Variants in NRXN3 observed in about 807,000 individuals in gnomAD.
NRXN3 encodes the protein neurexin 3, also known as neurexin III.
NRXN3 carries 32 observed loss-of-function variants against 137.6 expected under a neutral mutation model. That is an observed-to-expected ratio of 0.23 (90% CI 0.18 to 0.31). The LOEUF (loss-of-function observed/expected upper bound fraction) is 0.31. NRXN3 is among the 10% of genes least tolerant of loss of function. The pLI is 1.00. For missense variants in NRXN3, 1,574 were observed against 2,062.5 expected, an observed-to-expected ratio of 0.76 and a Z score of 4.59; for synonymous variants, 798 against 784.5, an observed-to-expected ratio of 1.02 and a Z score of -0.29.
intron 8 of NRXN3, among the ~76,000 whole-genome samples, chr14:78,801,420 C>T (rs2098838530): frequency 6.6e-6 from 1 of 152,154 alleles, no homozygotes; most frequent in African/African-American, 2.4e-5. Flanking sequence ...AGGAAACTTA[C>T]AATCTGATGG....
intron 15 of NRXN3, among the ~76,000 whole-genome samples, chr14:79,122,254 A>C (rs1261677980): frequency 6.6e-6 from 1 of 152,198 alleles, no homozygotes; most frequent in Non-Finnish European, 1.5e-5. Context: ...ATGAGCAGCA[A>C]ACAGGAATTG....
At chr14:78,988,703 CTCTGACTAAATT>C (rs1365968094) in intron 15 of NRXN3, among the ~76,000 whole-genome samples, 2 of 152,048 alleles carry the variant, frequency 1.3e-5, no homozygotes, top group Non-Finnish European at 2.9e-5. Flanking sequence ...TAGAAATTCT[CTCTGACTAAATT>C]TATTGGTATC....
Position 79,645,614 on chromosome 14 carries a change from CAAAA to C in NRXN3, c.3445-18151_3445-18148del, listed in dbSNP as rs558284799. Among the ~76,000 whole-genome samples, 2 of 89,568 alleles carry C rather than the reference CAAAA, an allele frequency of 2.2e-5. 1 individual carries two copies. Among genetic ancestry groups the C allele is most frequent in the Non-Finnish European group, 5.4e-5 (2 of 36,896 alleles). 58.8% of individuals were successfully genotyped at this position (89,568 alleles called of 152,430 possible). A position where few individuals can be genotyped will look rare whatever the true frequency, so the allele number is the denominator to read the frequency against. ...TGGGTGACAGAATGAGACTCTGTCT[CAAAA>C]AAAAAAAAAAAAGTTTTTTTCGTGT... On this transcript the variant is annotated intron_variant, in intron 16 of 20. Coordinates refer to ENST00000335750, the MANE Select transcript of NRXN3 (RefSeq NM_001330195.2).
chr14:78,408,715 A>G (rs1598345690), intron 4 of NRXN3, among the ~76,000 whole-genome samples: 1 of 152,350 alleles, frequency 6.6e-6, no homozygotes, highest in East Asian at 1.9e-4. Context: ...TGCTCAGAAA[A>G]TTCTCACGAG....
intron 15 of NRXN3, among the ~76,000 whole-genome samples, chr14:79,415,678 T>G (rs1159382384): frequency 1.3e-5 from 2 of 152,166 alleles, no homozygotes; most frequent in Non-Finnish European, 2.9e-5. Context: ...TGTCACTCTA[T>G]GACCTGTTGT....
intron 15 of NRXN3, among the ~76,000 whole-genome samples, chr14:79,332,126 C>G (rs780675671): frequency 6.6e-6 from 1 of 152,172 alleles, no homozygotes; most frequent in African/African-American, 2.4e-5. Flanking sequence ...ATCCTCAGAC[C>G]TCTGAATTGC....
chr14:78,801,057 C>T (rs998572684), intron 8 of NRXN3, among the ~76,000 whole-genome samples: 1 of 152,224 alleles, frequency 6.6e-6, no homozygotes, highest in Non-Finnish European at 1.5e-5. Context: ...CGCAGTGGCT[C>T]ACGCCTGTAA....
intron 19 of NRXN3, among the ~76,000 whole-genome samples, chr14:79,769,245 A>G (rs2139698187): frequency 6.7e-6 from 1 of 150,262 alleles, no homozygotes. Flanking sequence ...AAGGCAGGCC[A>G]ACGTTCAGAT....
At chr14:79,687,948 ATAAGGGATT>A (rs1369461801) in intron 17 of NRXN3, among the ~76,000 whole-genome samples, 1 of 152,196 alleles carries the variant, frequency 6.6e-6, no homozygotes, top group Non-Finnish European at 1.5e-5. Flanking sequence ...AAAGTGATAG[ATAAGGGATT>A]TAAGGGAATA....
chr14:78,592,891 C>T (rs969093993), intron 4 of NRXN3, among the ~76,000 whole-genome samples: 7 of 152,174 alleles, frequency 4.6e-5, no homozygotes, highest in African/African-American at 1.7e-4. Context: ...TAGTAGGACC[C>T]ATGTCCTCCC....
At chr14:78,757,264 G>A (rs1028925147) in intron 8 of NRXN3, among the ~76,000 whole-genome samples, 3 of 152,056 alleles carry the variant, frequency 2.0e-5, no homozygotes, top group Non-Finnish European at 4.4e-5. Context: ...AAAGAAATTA[G>A]CCGAATGTGG....
At chr14:78,181,287 T>G (rs1247451198) in intron 1 of NRXN3, among the ~76,000 whole-genome samples, 1 of 152,188 alleles carries the variant, frequency 6.6e-6, no homozygotes, top group Non-Finnish European at 1.5e-5. Flanking sequence ...TTAAAAGTTC[T>G]GAGGTGGGGC....
intron 11 of NRXN3, among the ~76,000 whole-genome samples, chr14:78,962,154 G>A (rs1404577275): frequency 1.3e-5 from 2 of 152,054 alleles, no homozygotes; most frequent in African/African-American, 2.4e-5. Flanking sequence ...TAAAGATATG[G>A]GCTTTGGAAT....
Position 79,804,477 on chromosome 14 carries a change from G to A in NRXN3, c.4015-635G>A, listed in dbSNP as rs755423971. Among the ~76,000 whole-genome samples, 39 of 152,082 alleles carry A rather than the reference G, an allele frequency of 2.6e-4. 1 individual carries two copies. The highest frequency in any genetic ancestry group is 4.7e-4 in the Non-Finnish European group (32 of 68,002). On this transcript the variant is annotated intron_variant, in intron 19 of 20. Coordinates refer to ENST00000335750, the MANE Select transcript of NRXN3 (RefSeq NM_001330195.2). ...TCAGAACTGTTTTTGCTCTCTTCAG[G>A]AACAGCCTTACCTGTGTTCAGGGAC...
At chr14:78,272,480 C>G (rs895463879) in intron 2 of NRXN3, among the ~76,000 whole-genome samples, 18 of 152,294 alleles carry the variant, frequency 1.2e-4, no homozygotes, top group African/African-American at 4.3e-4. Context: ...GATCTGTGGA[C>G]TCTTCAGTTC....
At chr14:78,868,749 A>G (rs1030477298) in intron 10 of NRXN3, among the ~76,000 whole-genome samples, 4 of 151,602 alleles carry the variant, frequency 2.6e-5, no homozygotes, top group South Asian at 2.1e-4. Flanking sequence ...TGAACCTGGG[A>G]GGAGGAGGTT....
intron 15 of NRXN3, among the ~76,000 whole-genome samples, chr14:79,004,175 A>G (rs2099547426): frequency 6.6e-6 from 1 of 152,170 alleles, no homozygotes; most frequent in Non-Finnish European, 1.5e-5. Flanking sequence ...TTTCTTTTAT[A>G]GTTAATTTAT....
At chr14:78,268,280 GT>G (rs2072131944) in intron 2 of NRXN3, among the ~76,000 whole-genome samples, 1 of 148,092 alleles carries the variant, frequency 6.8e-6, no homozygotes, top group African/African-American at 2.6e-5. Flanking sequence ...GTTTTGTTTT[GT>G]TTTGTTTTGT....
Position 79,152,418 on chromosome 14 carries a change from C to T in NRXN3, c.3262+164277C>T, listed in dbSNP as rs114736001. On this transcript the variant is annotated intron_variant, in intron 15 of 20. Coordinates refer to ENST00000335750, the MANE Select transcript of NRXN3 (RefSeq NM_001330195.2). ...GTTACTGGCAGTCTATGATGACATA[C>T]GCTACTCCCCACCATTGACACATGC... is the stretch of plus-strand genomic sequence containing the variant. 1.0e-3 allele frequency among the ~76,000 whole-genome samples: 154 copies of T among 152,096 alleles called. 1 individual carries two copies. Among genetic ancestry groups the T allele is most frequent in the African/African-American group, 3.4e-3 (141 of 41,530 alleles).
Sources: gnomAD v4.1 joint callset for allele counts (sites outside exome capture counted in the v4.1 genomes callset) on GRCh38, gnomAD v4.1.1 for gene constraint, MANE v1.5 for transcripts, NCBI Gene and HGNC (gene_info 2026-07-23, HGNC 2026-07-21) for gene names.